The following IFIT5 variants were observed in gnomAD, a reference collection of about 807,000 sequenced individuals.
IFIT5 encodes interferon induced protein with tetratricopeptide repeats 5, also known as interferon-induced protein with tetratricopeptide repeats 5.
A neutral mutation model predicts 5.0 loss-of-function variants in IFIT5; 2 were observed. The ratio of observed to expected loss-of-function variants is 0.40; its 90% confidence interval spans 0.16 to 1.26. IFIT5 has a LOEUF of 1.26. Ranked by LOEUF, IFIT5 falls within the 50% of genes most tolerant of loss-of-function variation. The pLI is 0.33. For synonymous variants in IFIT5, 206 were observed against 204.6 expected, an observed-to-expected ratio of 1.01 and a Z score of -0.06; for missense variants, 524 against 563.2, an observed-to-expected ratio of 0.93 and a Z score of 0.70.
Position 89,417,410 on chromosome 10 carries a change from CT to C in IFIT5, c.213del (p.Glu72SerfsTer9). The C allele has an allele frequency of 1.9e-6, 3 of 1,614,112 alleles. No individual in the cohort carries two copies. Among genetic ancestry groups the C allele is most frequent in the Admixed American group, 1.7e-5 (1 of 60,004 alleles). ...CCTAAAAGGCCAAAATAAAGACGCCCTTGAGTGCTTGGAACAAGCAGAAGAA... is the reference window on the plus strand; with the variant it reads ...CCTAAAAGGCCAAAATAAAGACGCCCTGAGTGCTTGGAACAAGCAGAAGAA... ...KHLKGQNKDA[L>X]ECLEQAEEII... On this transcript the variant is annotated frameshift_variant, in exon 2 of 2. Coordinates refer to ENST00000371795, the MANE Select transcript of IFIT5 (RefSeq NM_012420.3). LOFTEE classifies it low-confidence loss of function (END_TRUNC).
Position 89,418,731 on chromosome 10 carries a change from C to A in IFIT5, c.*83C>A. On this transcript the variant is annotated 3_prime_UTR_variant, in exon 2 of 2. Coordinates refer to ENST00000371795, the MANE Select transcript of IFIT5 (RefSeq NM_012420.3). Reference sequence around the variant, plus strand: ...TGTTTTTTTTTTATTATTTTAATCCCTTGTTTATTATAGAGCTAATATTTA... The same window carrying A: ...TGTTTTTTTTTTATTATTTTAATCCATTGTTTATTATAGAGCTAATATTTA... The A allele has an allele frequency of 1.5e-6, 2 of 1,355,676 alleles. No homozygotes were observed. Among genetic ancestry groups the A allele is most frequent in the Non-Finnish European group, 2.0e-6 (2 of 994,392 alleles). 84.0% of individuals were successfully genotyped at this position (1,355,676 alleles called of 1,614,324 possible). A position where few individuals can be genotyped will look rare whatever the true frequency, so the allele number is the denominator to read the frequency against.
chr10:89,420,606 GCTC>G lies in IFIT5; in HGVS notation c.*1964_*1966del, dbSNP rs1306470489. Reference sequence around the variant, plus strand: ...CCTGAGATTTCTGCACTTTAAACAAGCTCCTCCTAGGTGAGGATGCTGTGGCTG... The same window carrying G: ...CCTGAGATTTCTGCACTTTAAACAAGCTCCTAGGTGAGGATGCTGTGGCTG... On this transcript the variant is annotated 3_prime_UTR_variant, in exon 2 of 2. Coordinates refer to ENST00000371795, the MANE Select transcript of IFIT5 (RefSeq NM_012420.3). 1 of 152,186 alleles carries G rather than the reference GCTC, an allele frequency of 6.6e-6. No homozygotes were observed. The highest frequency in any genetic ancestry group is 1.5e-5 in the Non-Finnish European group (1 of 68,028). The allele number at this position is 152,186 out of a possible 1,614,324, so 9.4% of individuals were successfully genotyped here.
Position 89,418,655 on chromosome 10 carries a change from A to T in IFIT5, c.*7A>T. ...GCTCCGACTTTCCATTTAAATACAT[A>T]CTCTAGGAAATTAGCTCTAAGTTTT... is the stretch of plus-strand genomic sequence containing the variant. On this transcript the variant is annotated 3_prime_UTR_variant, in exon 2 of 2. Transcript: ENST00000371795. 1 of 1,580,714 alleles carries T rather than the reference A, an allele frequency of 6.3e-7. No individual in the cohort carries two copies. Among genetic ancestry groups the T allele is most frequent in the Non-Finnish European group, 8.6e-7 (1 of 1,164,768 alleles).
At position 89,414,652 on chromosome 10, in the gene IFIT5, C is replaced by G. The variant is rs4934478; in HGVS notation, c.-147C>G. 10 of 789,808 alleles carry G rather than the reference C, an allele frequency of 1.3e-5. No individual in the cohort carries two copies. Among genetic ancestry groups the G allele is most frequent in the Non-Finnish European group, 3.7e-6 (2 of 541,366 alleles). 48.9% of individuals were successfully genotyped at this position (789,808 alleles called of 1,614,324 possible). On this transcript the variant is annotated 5_prime_UTR_variant, in exon 1 of 2. Transcript: ENST00000371795. The stretch of plus-strand genomic sequence containing the variant: ...GGTCTCTCCTTTAACAAAGACACGC[C>G]GCGCGGCCGAGTCCAGGGGCTGCAG...
chr10:89,414,720 CT>C lies in IFIT5; in HGVS notation c.-77del. ...GCGCACGCGCACGCCCACCGCGCGG[CT>C]TCCCGCGGTCCCCGGTGCTGAGGAG... On this transcript the variant is annotated 5_prime_UTR_variant, in exon 1 of 2. Coordinates refer to ENST00000371795, the MANE Select transcript of IFIT5 (RefSeq NM_012420.3). The C allele has an allele frequency of 6.5e-7, 1 of 1,543,250 alleles. No individual in the cohort carries two copies. Among genetic ancestry groups the C allele is most frequent in the Non-Finnish European group, 8.7e-7 (1 of 1,153,580 alleles).
intron 1 of IFIT5, among the ~76,000 whole-genome samples, chr10:89,416,541 C>T (rs1841539839): frequency 6.6e-6 from 1 of 152,236 alleles, no homozygotes; most frequent in Non-Finnish European, 1.5e-5. Flanking sequence ...TAAAAATTCT[C>T]ATGGTGTCCA....
rs1262810704 is a variant in IFIT5 at position 89,414,628 on chromosome 10, GTC to G, written c.-166_-165del. 6 of 568,558 alleles carry G rather than the reference GTC, an allele frequency of 1.1e-5. No individual in the cohort carries two copies. Among genetic ancestry groups the G allele is most frequent in the Non-Finnish European group, 1.7e-5 (6 of 345,352 alleles). 35.2% of individuals were successfully genotyped at this position (568,558 alleles called of 1,614,324 possible). Reference sequence around the variant, plus strand: ...GTTTCCTGTTCTTGCTGGGGCTGGGGTCTCTCCTTTAACAAAGACACGCCGCG... The same window carrying G: ...GTTTCCTGTTCTTGCTGGGGCTGGGGTCTCCTTTAACAAAGACACGCCGCG... On this transcript the variant is annotated 5_prime_UTR_variant, in exon 1 of 2. Coordinates refer to ENST00000371795, the MANE Select transcript of IFIT5 (RefSeq NM_012420.3).
Position 89,417,997 on chromosome 10 carries a change from C to A in IFIT5, c.798C>A (p.Asn266Lys). Residue 266 changes from asparagine (N) to lysine (K), a missense_variant, in exon 2 of 2, where the codon AAC becomes AAA. Asn to Lys is a moderately conservative substitution (Grantham distance 94, BLOSUM62 0). Coordinates refer to ENST00000371795, the MANE Select transcript of IFIT5 (RefSeq NM_012420.3). ...TCTATAGGAGAAAAAATTCCTGGAA[C>A]AAAGCTCTCGAACTTTTAAAAAAGG... ...AKFYRRKNSW[N>K]KALELLKKAL... The A allele has an allele frequency of 1.2e-6, 2 of 1,614,166 alleles. No homozygotes were observed. Among genetic ancestry groups the A allele is most frequent in the Non-Finnish European group, 1.7e-6 (2 of 1,180,024 alleles).
Position 89,414,788 on chromosome 10 carries a change from G to A in IFIT5, c.-11G>A, listed in dbSNP as rs375663612. ...CTGCGCCGCCCGGACGGCCTGCAGA[G>A]CGCTGCCATCATGAGGTAAGGGTTT... is the stretch of plus-strand genomic sequence containing the variant. On this transcript the variant is annotated 5_prime_UTR_variant, in exon 1 of 2. Coordinates refer to ENST00000371795, the MANE Select transcript of IFIT5 (RefSeq NM_012420.3). 1.9e-6 allele frequency: 3 copies of A among 1,609,618 alleles called. No individual in the cohort carries two copies. The highest frequency in any genetic ancestry group is 2.7e-5 in the African/African-American group (2 of 74,180).
intron 1 of IFIT5, among the ~76,000 whole-genome samples, chr10:89,416,480 T>C (rs1372077929): frequency 1.3e-5 from 2 of 152,248 alleles, no homozygotes; most frequent in Non-Finnish European, 2.9e-5. Context: ...TTCTCTCTTA[T>C]TAGCTTCCCA....
At position 89,418,524 on chromosome 10, in the gene IFIT5, G is replaced by T; in HGVS notation, c.1325G>T (p.Gly442Val). ...ALDVQSLSAL[G>V]FVYKLEGEKR... ...GATGTGCAGAGTTTAAGTGCCCTAGGGTTTGTTTACAAGCTGGAAGGAGAA... is the reference window on the plus strand; with the variant it reads ...GATGTGCAGAGTTTAAGTGCCCTAGTGTTTGTTTACAAGCTGGAAGGAGAA... The change falls in exon 2 of 2, where the codon GGG becomes GTG. Residue 442 changes from glycine to valine, a missense_variant. By Grantham distance (109) the Gly-to-Val change is moderately radical (BLOSUM62 -3). Transcript: ENST00000371795. 2 of 1,614,098 alleles carry T rather than the reference G, an allele frequency of 1.2e-6. No homozygotes were observed.
At position 89,419,606 on chromosome 10, in the gene IFIT5, T is replaced by C. The variant is rs555050244; in HGVS notation, c.*958T>C. 1.3e-5 allele frequency: 2 copies of C among 152,214 alleles called. No homozygotes were observed. Among genetic ancestry groups the C allele is most frequent in the Non-Finnish European group, 2.9e-5 (2 of 68,036 alleles). 9.4% of individuals were successfully genotyped at this position (152,214 alleles called of 1,614,324 possible). ...ATGGAGTTTTTATACCCTCAATTTC[T>C]GGCCTTTGGCTATTTTAGCATTTCA... On this transcript the variant is annotated 3_prime_UTR_variant, in exon 2 of 2. Transcript: ENST00000371795.
rs199956643 is a variant in IFIT5 at position 89,417,437 on chromosome 10, A to G, written c.238A>G (p.Ile80Val). Reference protein sequence around the residue: ...ALECLEQAEEIIQQEHSDKEE... With the variant: ...ALECLEQAEEVIQQEHSDKEE... ...TGAGTGCTTGGAACAAGCAGAAGAAATAATCCAGCAAGAACACTCAGACAA... is the reference window on the plus strand; with the variant it reads ...TGAGTGCTTGGAACAAGCAGAAGAAGTAATCCAGCAAGAACACTCAGACAA... The change falls in exon 2 of 2, where the codon ATA becomes GTA. Residue 80 changes from isoleucine to valine, a missense_variant. Coordinates refer to ENST00000371795, the MANE Select transcript of IFIT5 (RefSeq NM_012420.3). 1.3e-4 allele frequency: 207 copies of G among 1,614,086 alleles called. No homozygotes were observed. The highest frequency in any genetic ancestry group is 1.7e-4 in the Non-Finnish European group (202 of 1,180,042).
At chr10:89,416,189 C>CT (rs35463884) in intron 1 of IFIT5, among the ~76,000 whole-genome samples, 37,777 of 152,090 alleles carry the variant, frequency 0.25, 4,881 homozygotes, top group Middle Eastern at 0.27. Flanking sequence ...TCCCAAAGTG[C>CT]TGGGATTACA....
rs1235555872 is a variant in IFIT5 at position 89,418,592 on chromosome 10, G to A, written c.1393G>A (p.Asp465Asn). The change falls in exon 2 of 2, where the codon GAT (aspartate) becomes AAT (asparagine). Residue 465 changes from aspartate (D) to asparagine (N), a missense_variant. By Grantham distance (23) the Asp-to-Asn change is conservative. Transcript: ENST00000371795. ...GTACTATGAGAAGGCACAAAAGATA[G>A]ATCCAGAAAATGCAGAATTCCTGAC... ...AEYYEKAQKI[D>N]PENAEFLTAL... 1.2e-5 allele frequency: 20 copies of A among 1,613,976 alleles called. No homozygotes were observed. The East Asian group carries it at 4.2e-4, about 34-fold the overall frequency.
intron 1 of IFIT5, 60 bp downstream of exon 1, chr10:89,414,863 G>A (rs1432697699): frequency 1.6e-5 from 26 of 1,590,080 alleles, no homozygotes; most frequent in Non-Finnish European, 2.1e-5. Flanking sequence ...TTCAAACCGG[G>A]CTGCTTTTAT....
Position 89,417,920 on chromosome 10 carries a change from A to G in IFIT5, c.721A>G (p.Ile241Val), listed in dbSNP as rs1342182883. The G allele has an allele frequency of 1.2e-6, 2 of 1,614,054 alleles. No individual in the cohort carries two copies. The highest frequency in any genetic ancestry group is 1.1e-5 in the South Asian group (1 of 91,086). ...TGAAGGGGAAAAGTATATTGAAGAAATCCTGGACCAAATATCATCCCAGCC... is the reference window on the plus strand; with the variant it reads ...TGAAGGGGAAAAGTATATTGAAGAAGTCCTGGACCAAATATCATCCCAGCC... ...EAEGEKYIEEILDQISSQPYV... is the reference protein window; with the variant it reads ...EAEGEKYIEEVLDQISSQPYV... Residue 241 changes from isoleucine to valine, a missense_variant, in exon 2 of 2, where the codon ATC (isoleucine) becomes GTC (valine). Ile to Val is a conservative substitution (Grantham distance 29, BLOSUM62 3). Transcript: ENST00000371795.
rs1398776670 is a variant in IFIT5, at chr10:89,419,943, T to C, written c.*1295T>C. ...AAAATTATTATGTATGTGTGTGTGTTTTACTTTTTGTTTTTTATCATCTTT... is the reference window on the plus strand; with the variant it reads ...AAAATTATTATGTATGTGTGTGTGTCTTACTTTTTGTTTTTTATCATCTTT... On this transcript the variant is annotated 3_prime_UTR_variant, in exon 2 of 2. Transcript: ENST00000371795. 1 of 152,156 alleles carries C rather than the reference T, an allele frequency of 6.6e-6. No homozygotes were observed. The highest frequency in any genetic ancestry group is 2.4e-5 in the African/African-American group (1 of 41,464). The allele number at this position is 152,156 out of a possible 1,614,324, so 9.4% of individuals were successfully genotyped here.
Position 89,418,525 on chromosome 10 carries a change from G to T in IFIT5, c.1326G>T (p.Gly442=). Residue 442 remains glycine, a synonymous_variant, in exon 2 of 2, where the codon GGG becomes GGT. Transcript: ENST00000371795. ...ALDVQSLSAL[G]FVYKLEGEKR... ...ATGTGCAGAGTTTAAGTGCCCTAGG[G>T]TTTGTTTACAAGCTGGAAGGAGAAA... is the stretch of plus-strand genomic sequence containing the variant. The T allele has an allele frequency of 1.2e-6, 2 of 1,614,166 alleles. No individual in the cohort carries two copies. The highest frequency in any genetic ancestry group is 1.7e-6 in the Non-Finnish European group (2 of 1,180,008).
Sources: gnomAD v4.1 joint callset for allele counts (sites outside exome capture counted in the v4.1 genomes callset) on GRCh38, gnomAD v4.1.1 for gene constraint, MANE v1.5 for transcripts, NCBI Gene and HGNC (gene_info 2026-07-23, HGNC 2026-07-21) for gene names.